FGF12: variants seen among roughly 807,000 people sequenced by gnomAD.
The protein encoded by FGF12 is fibroblast growth factor 12, also known as fibroblast growth factor 12B.
FGF12 carries 14 observed loss-of-function variants against 23.6 expected under a neutral mutation model. That is an observed-to-expected ratio of 0.59 (90% CI 0.39 to 0.93). The LOEUF (loss-of-function observed/expected upper bound fraction) is 0.93. Ranked by LOEUF, FGF12 falls within the 40% of genes least tolerant of loss-of-function variation. The probability of loss-of-function intolerance (pLI) is 0.00; values close to 1 mark genes in which losing one functional copy is unlikely to be tolerated. For missense variants in FGF12, 175 were observed against 217.8 expected (o/e 0.80, Z 1.24); for synonymous variants, 62 against 77.3 (o/e 0.80, Z 1.04).
At chr3:192,687,095 CT>C (rs1432926429) in intron 2 of FGF12, among the ~76,000 whole-genome samples, 5 of 149,532 alleles carry the variant, frequency 3.3e-5, no homozygotes, top group African/African-American at 5.0e-5. Flanking sequence ...TCCCAAAGTG[CT>C]GGGATTACAG....
chr3:192,250,718 TA>T (rs1376465432), intron 4 of FGF12, among the ~76,000 whole-genome samples: 1 of 152,088 alleles, frequency 6.6e-6, no homozygotes, highest in Non-Finnish European at 1.5e-5. Flanking sequence ...AAACATAGTA[TA>T]AAATGGAAGC....
At chr3:192,170,717 TG>T (rs1169873543) in intron 4 of FGF12, 61 bp from the exon 5 acceptor site, 5 of 1,407,128 alleles carry the variant, frequency 3.6e-6, no homozygotes, top group Non-Finnish European at 4.9e-6. Context: ...AATCAGCAAA[TG>T]CTTAAATCCA....
intron 4 of FGF12, among the ~76,000 whole-genome samples, chr3:192,275,459 T>A (rs894117155): frequency 6.6e-6 from 1 of 152,200 alleles, no homozygotes; most frequent in Non-Finnish European, 1.5e-5. Flanking sequence ...TTCTATTTTA[T>A]AGAATGCAAA....
intron 2 of FGF12, among the ~76,000 whole-genome samples, chr3:192,603,586 TG>T (rs1181467646): frequency 6.6e-6 from 1 of 152,034 alleles, no homozygotes; most frequent in Non-Finnish European, 1.5e-5. Context: ...CTGGGGGTGC[TG>T]GGGGTGACAT....
intron 2 of FGF12, among the ~76,000 whole-genome samples, chr3:192,651,291 T>G (rs74920777): frequency 0.087 from 13,280 of 152,264 alleles, 753 homozygotes; most frequent in Middle Eastern, 0.14. Flanking sequence ...ACCAGTCATA[T>G]GAACCTGGAC....
At chr3:192,445,902 T>A (rs1381052710) in intron 2 of FGF12, among the ~76,000 whole-genome samples, 1 of 152,142 alleles carries the variant, frequency 6.6e-6, no homozygotes, top group Non-Finnish European at 1.5e-5. Flanking sequence ...GACTGCAGAG[T>A]TATCCAGACA....
intron 2 of FGF12, among the ~76,000 whole-genome samples, chr3:192,394,722 T>C (rs1720448302): frequency 6.6e-6 from 1 of 152,218 alleles, no homozygotes; most frequent in Admixed American, 6.5e-5. Context: ...ACCTCTTTTA[T>C]TTATATCTTC....
intron 2 of FGF12, among the ~76,000 whole-genome samples, chr3:192,723,546 A>G (rs543508922): frequency 6.6e-6 from 1 of 152,100 alleles, no homozygotes; most frequent in East Asian, 2.0e-4. Context: ...GAGATTCTGC[A>G]TTTCTAACAA....
At position 192,336,993 on chromosome 3, in the gene FGF12, G is replaced by A. The variant is rs1432218304; in HGVS notation, c.125-1529C>T. On this transcript the variant is annotated intron_variant, in intron 3 of 5. Transcript: ENST00000445105. This position sits in a 1 kb window ranked among gnomAD's most constrained non-coding sequence, Gnocchi z 4.3. Reference sequence around the variant, plus strand: ...ACTGAGACTAGATAAGAAACTGTAAGTAGTTTCTTATAGATTAATTGTTGG... The same window carrying A: ...ACTGAGACTAGATAAGAAACTGTAAATAGTTTCTTATAGATTAATTGTTGG... 1.3e-5 allele frequency among the ~76,000 whole-genome samples: 2 copies of A among 152,078 alleles called. No homozygotes were observed. Among genetic ancestry groups the A allele is most frequent in the Non-Finnish European group, 2.9e-5 (2 of 68,004 alleles).
intron 2 of FGF12, among the ~76,000 whole-genome samples, chr3:192,473,452 A>T (rs926010604): frequency 6.6e-6 from 1 of 152,212 alleles, no homozygotes; most frequent in African/African-American, 2.4e-5. Flanking sequence ...AATCCAGGAA[A>T]TGAAATACAG....
intron 2 of FGF12, among the ~76,000 whole-genome samples, chr3:192,560,934 A>T (rs1158217653): frequency 6.6e-6 from 1 of 152,224 alleles, no homozygotes; most frequent in African/African-American, 2.4e-5. Context: ...AATAAACAAA[A>T]TATAGTACAT....
At chr3:192,672,019 G>C (rs1259803012) in intron 2 of FGF12, among the ~76,000 whole-genome samples, 1 of 152,222 alleles carries the variant, frequency 6.6e-6, no homozygotes, top group Non-Finnish European at 1.5e-5. Flanking sequence ...CAAAGACAGA[G>C]TGCGGCTTAC....
chr3:192,533,129 T>G lies in FGF12; in HGVS notation c.14-172591A>C, dbSNP rs1361782837. ...ATTTTGATAAAAACTGGTTGAATACTTCACTTCTTCTTCAAAAGTGTATAA... is the reference window on the plus strand; with the variant it reads ...ATTTTGATAAAAACTGGTTGAATACGTCACTTCTTCTTCAAAAGTGTATAA... On this transcript the variant is annotated intron_variant, in intron 2 of 5. Coordinates refer to ENST00000445105, the MANE Select transcript of FGF12 (RefSeq NM_004113.6). Among the ~76,000 whole-genome samples, 4 of 152,346 alleles carry G rather than the reference T, an allele frequency of 2.6e-5. No homozygotes were observed. The East Asian group carries it at 5.8e-4, about 22-fold the overall frequency.
chr3:192,154,944 T>C (rs370690673), intron 5 of FGF12, among the ~76,000 whole-genome samples: 20,003 of 118,282 alleles, frequency 0.17, 1,957 homozygotes, highest in African/African-American at 0.22. Context: ...GATCTCAGAC[T>C]GCTGTGCTAG....
At chr3:192,604,357 A>T (rs1004607690) in intron 2 of FGF12, among the ~76,000 whole-genome samples, 20 of 152,210 alleles carry the variant, frequency 1.3e-4, no homozygotes, top group African/African-American at 4.8e-4. Flanking sequence ...AAGTAAAGAT[A>T]GGCATAAGAA....
At chr3:192,236,767 G>A (rs1418650063) in intron 4 of FGF12, among the ~76,000 whole-genome samples, 2 of 151,952 alleles carry the variant, frequency 1.3e-5, no homozygotes, top group Admixed American at 6.6e-5. Flanking sequence ...TCTACAGTTG[G>A]GTCTTGCTTT....
intron 5 of FGF12, among the ~76,000 whole-genome samples, chr3:192,148,021 AATGGCTCAGCCACCG>A (rs774058957): frequency 2.4e-4 from 36 of 152,186 alleles, no homozygotes; most frequent in Non-Finnish European, 4.3e-4. Context: ...TTAAATGTAA[AATGGCTCAGCCACCG>A]TGGAAAATGA....
At chr3:192,210,598 C>T (rs1407839477) in intron 4 of FGF12, among the ~76,000 whole-genome samples, 1 of 152,166 alleles carries the variant, frequency 6.6e-6, no homozygotes, top group African/African-American at 2.4e-5. Context: ...ATTTTATGAA[C>T]TTGAACATAA....
In FGF12 at chr3:192,378,051, T is replaced by TC. The variant is rs1491409029; in HGVS notation, c.14-17514_14-17513insG. 1.2e-4 allele frequency among the ~76,000 whole-genome samples: 12 copies of TC among 101,418 alleles called. 2 individuals carry two copies. Among genetic ancestry groups the TC allele is most frequent in the African/African-American group, 7.3e-4 (12 of 16,398 alleles). The allele number at this position is 101,418 out of a possible 152,430, so 66.5% of individuals were successfully genotyped here. ...TTTTCTTTCTTTCTTTCTTTCTTTC[T>TC]TTCTTTCTTTCTTTCTTTCTTTCTT... On this transcript the variant is annotated intron_variant, in intron 2 of 5. Coordinates refer to ENST00000445105, the MANE Select transcript of FGF12 (RefSeq NM_004113.6).
Sources: allele counts gnomAD v4.1 joint callset (sites outside exome capture counted in the v4.1 genomes callset), GRCh38; gene constraint gnomAD v4.1.1; non-coding constraint Gnocchi (gnomAD v3.1); transcripts MANE v1.5; gene names NCBI Gene and HGNC (gene_info 2026-07-23, HGNC 2026-07-21).